Variants in ATE1 observed in about 807,000 individuals in gnomAD.
ATE1 encodes the protein arginyltransferase 1, also known as arginyl-tRNA--protein transferase 1.
In ATE1, 36 loss-of-function variants were observed where a neutral mutation model predicts 70.5. That is an observed-to-expected ratio of 0.51 (90% CI 0.39 to 0.67). The LOEUF (loss-of-function observed/expected upper bound fraction) is 0.67. Among genes scored for constraint, ATE1 ranks in the 30% least tolerant of loss-of-function variants. ATE1 has a pLI of 0.00. For synonymous variants in ATE1, 232 were observed against 219.3 expected, an observed-to-expected ratio of 1.06 and a Z score of -0.51; for missense variants, 593 against 629.5, an observed-to-expected ratio of 0.94 and a Z score of 0.62.
rs115387505 is a variant in ATE1 at position 121,768,111 on chromosome 10, G to C, written c.1378+22058C>G. 7.9e-3 allele frequency among the ~76,000 whole-genome samples: 1,204 copies of C among 152,284 alleles called. 19 individuals carry two copies. Among genetic ancestry groups the C allele is most frequent in the African/African-American group, 0.026 (1,088 of 41,556 alleles). On this transcript the variant is annotated intron_variant, in intron 11 of 11. Transcript: ENST00000224652. ...AAACCAGTCACAAAAAATACTGTATGACACCACTAATTTTTGGTACTTAGA... is the reference window on the plus strand; with the variant it reads ...AAACCAGTCACAAAAAATACTGTATCACACCACTAATTTTTGGTACTTAGA...
At chr10:121,916,016 C>A (rs771734849) in intron 3 of ATE1, among the ~76,000 whole-genome samples, 20 of 151,578 alleles carry the variant, frequency 1.3e-4, no homozygotes, top group Admixed American at 2.6e-4. Flanking sequence ...GCGGGCAGAT[C>A]ACAAGGTCAG....
At chr10:121,904,072 C>T (rs1050422605) in intron 5 of ATE1, among the ~76,000 whole-genome samples, 1 of 151,322 alleles carries the variant, frequency 6.6e-6, no homozygotes, top group African/African-American at 2.4e-5. Flanking sequence ...CTCTGCCTAC[C>T]GGACCATTCG....
intron 1 of ATE1, chr10:121,926,713 A>C (rs1312664958): frequency 3.0e-6 from 3 of 984,924 alleles, no homozygotes; most frequent in Non-Finnish European, 3.6e-6. Context: ...AGAAATCCAC[A>C]ATACTCTAAG....
chr10:121,784,809 G>T (rs902538486), intron 11 of ATE1, among the ~76,000 whole-genome samples: 3 of 151,828 alleles, frequency 2.0e-5, no homozygotes, highest in Non-Finnish European at 2.9e-5. Context: ...CAGTGAGCTG[G>T]TATCACGCCA....
Position 121,743,572 on chromosome 10 carries a change from AATG to A in ATE1, c.*105_*107del. The A allele has an allele frequency of 4.3e-6, 6 of 1,385,078 alleles. No individual in the cohort carries two copies. The highest frequency in any genetic ancestry group is 5.6e-6 in the Non-Finnish European group (6 of 1,072,322). 85.8% of individuals were successfully genotyped at this position (1,385,078 alleles called of 1,614,324 possible). On this transcript the variant is annotated 3_prime_UTR_variant, in exon 12 of 12. Transcript: ENST00000224652. Reference sequence around the variant, plus strand: ...AAAGCCATAGATAGTCAAAATAAAAAATGTCTAATTTGTGGGTGGTGACAGTTA... The same window carrying A: ...AAAGCCATAGATAGTCAAAATAAAAATCTAATTTGTGGGTGGTGACAGTTA...
intron 11 of ATE1, among the ~76,000 whole-genome samples, chr10:121,752,872 T>C (rs1944645256): frequency 6.6e-6 from 1 of 152,214 alleles, no homozygotes. Context: ...TGTCAGTTTC[T>C]GCAGGGAAGC....
chr10:121,869,406 T>G (rs1949774341), intron 8 of ATE1, among the ~76,000 whole-genome samples: 1 of 152,254 alleles, frequency 6.6e-6, no homozygotes, highest in Admixed American at 6.5e-5. Context: ...TATCTAGTTC[T>G]CTAAACATCT....
chr10:121,902,328 A>G (rs958908272), intron 6 of ATE1, 63 bp downstream of exon 6: 7 of 1,411,112 alleles, frequency 5.0e-6, no homozygotes, highest in Non-Finnish European at 5.8e-6. Flanking sequence ...AAATAAAAAT[A>G]AACGATATGC....
intron 1 of ATE1, chr10:121,927,166 G>T (rs996013699): frequency 2.0e-6 from 2 of 985,250 alleles, no homozygotes; most frequent in Non-Finnish European, 2.4e-6. Flanking sequence ...AAAGAAATCT[G>T]AATCACGATG....
chr10:121,864,865 T>C (rs748843624), intron 8 of ATE1, among the ~76,000 whole-genome samples: 29 of 152,072 alleles, frequency 1.9e-4, no homozygotes, highest in Non-Finnish European at 3.1e-4. Flanking sequence ...CCTACTAGCA[T>C]CTAGTGAGCA....
At position 121,763,710 on chromosome 10, in the gene ATE1, G is replaced by C. The variant is rs181713671; in HGVS notation, c.1379-19852C>G. Among the ~76,000 whole-genome samples the C allele has an allele frequency of 1.7e-3, 254 of 152,116 alleles. 1 individual carries two copies. The highest frequency in any genetic ancestry group is 5.9e-3 in the African/African-American group (246 of 41,498). The stretch of plus-strand genomic sequence containing the variant: ...AGACACTTGTCAAAACCCAGAGAAC[G>C]GACAACACAAAGAACATACCCAGCC... On this transcript the variant is annotated intron_variant, in intron 11 of 11. Transcript: ENST00000224652.
chr10:121,864,745 T>C (rs1252139692), intron 8 of ATE1, among the ~76,000 whole-genome samples: 1 of 152,226 alleles, frequency 6.6e-6, no homozygotes, highest in African/African-American at 2.4e-5. Context: ...TCTTTGTATT[T>C]TTTTTTAAGG....
intron 11 of ATE1, among the ~76,000 whole-genome samples, chr10:121,752,020 C>T (rs1280139454): frequency 2.0e-5 from 3 of 151,232 alleles, no homozygotes; most frequent in African/African-American, 7.3e-5. Context: ...GGTGAAACCC[C>T]GTCTCTACTA....
Position 121,842,768 on chromosome 10 carries a change from T to C in ATE1, c.976-1505A>G, listed in dbSNP as rs572801751. ...AAGAAGTATCATATGATCATATCAA[T>C]TGATGCAGGAAACATTACTGGCAAG... On this transcript the variant is annotated intron_variant, in intron 8 of 11. Transcript: ENST00000224652. 2.6e-5 allele frequency among the ~76,000 whole-genome samples: 4 copies of C among 152,310 alleles called. No individual in the cohort carries two copies. In the East Asian group the frequency reaches 5.8e-4, roughly 22 times the overall value.
intron 5 of ATE1, among the ~76,000 whole-genome samples, chr10:121,909,236 G>A (rs1281072975): frequency 6.6e-6 from 1 of 152,238 alleles, no homozygotes; most frequent in Non-Finnish European, 1.5e-5. Context: ...CAATCCACCT[G>A]CCTCGGTCTC....
intron 8 of ATE1, among the ~76,000 whole-genome samples, chr10:121,849,529 T>C (rs1948975150): frequency 1.3e-5 from 2 of 152,196 alleles, no homozygotes; most frequent in South Asian, 4.1e-4. Flanking sequence ...TGCAGAGCAC[T>C]TCCTGTAAGA....
rs780484585 is a variant in ATE1 at position 121,743,843 on chromosome 10, C to A, written c.1394G>T (p.Ser465Ile). 6 of 1,607,850 alleles carry A rather than the reference C, an allele frequency of 3.7e-6. No individual in the cohort carries two copies. The highest frequency in any genetic ancestry group is 1.7e-4 in the Middle Eastern group (1 of 6,024). Residue 465 changes from serine to isoleucine, a missense_variant, in exon 12 of 12, where the codon AGT becomes ATT. Physicochemically the swap from Ser to Ile is moderately radical, Grantham distance 142. Transcript: ENST00000224652. ...QDPEAVDEDR[S>I]TEPDRLQVFH... ...CACCTGCAATCGGTCAGGTTCCGTA[C>A]TGCGATCCTCATCCACTGCAACGAC... is the stretch of plus-strand genomic sequence containing the variant.
chr10:121,928,375 G>A (rs1201296203), upstream of ATE1: 5 of 1,532,582 alleles, frequency 3.3e-6, no homozygotes, highest in South Asian at 6.1e-5. Flanking sequence ...CCTTGGAATC[G>A]CAGTAGCCGC....
At chr10:121,876,694 C>T (rs183657591) in intron 7 of ATE1, among the ~76,000 whole-genome samples, 85 of 152,180 alleles carry the variant, frequency 5.6e-4, no homozygotes, top group African/African-American at 1.9e-3. Flanking sequence ...CTGCCGGGCG[C>T]GGTGGCTCAC....
Sources: allele counts gnomAD v4.1 joint callset (sites outside exome capture counted in the v4.1 genomes callset), GRCh38; gene constraint gnomAD v4.1.1; transcripts MANE v1.5; gene names NCBI Gene and HGNC (gene_info 2026-07-23, HGNC 2026-07-21).